CDCA2: variants seen among roughly 807,000 people sequenced by gnomAD.
CDCA2 encodes cell division cycle-associated protein 2.
A neutral mutation model predicts 67.0 loss-of-function variants in CDCA2; 44 were observed. The ratio of observed to expected loss-of-function variants is 0.66; its 90% CI spans 0.52 to 0.84. The LOEUF is 0.84. CDCA2 is among the 40% of genes least tolerant of loss of function. The probability of loss-of-function intolerance (pLI) is 0.00; values close to 1 mark genes in which losing one functional copy is unlikely to be tolerated. For synonymous variants in CDCA2, 447 were observed against 418.7 expected (o/e 1.07, Z -0.82); for missense variants, 1,253 against 1,203.2 (o/e 1.04, Z -0.61).
intron 3 of CDCA2, 87 bp downstream of exon 3, chr8:25,460,641 G>T (rs183074562): frequency 1.4e-6 from 2 of 1,393,178 alleles, no homozygotes; most frequent in Non-Finnish European, 9.7e-7. Context: ...TATACGTACT[G>T]TCATATTTTA....
rs1337258871 is a variant in CDCA2 at position 25,462,150 on chromosome 8, G to A, written c.329G>A (p.Arg110Gln). 5.6e-6 allele frequency: 9 copies of A among 1,614,000 alleles called. No homozygotes were observed. The highest frequency in any genetic ancestry group is 6.8e-6 in the Non-Finnish European group (8 of 1,180,018). The change falls in exon 4 of 15, where the codon CGG (arginine) becomes CAG (glutamine). Residue 110 changes from arginine (R) to glutamine (Q), a missense_variant. Transcript: ENST00000330560. ...ETNHLIRFIA[R>Q]QQNIKNARKS... The stretch of plus-strand genomic sequence containing the variant: ...AACCATCTGATTCGTTTCATTGCTC[G>A]GCAGCAAAATATAAAGAATGCTAGG...
At chr8:25,473,885 A>C (rs1803251215) in intron 7 of CDCA2, among the ~76,000 whole-genome samples, 1 of 152,192 alleles carries the variant, frequency 6.6e-6, no homozygotes, top group South Asian at 2.1e-4. Flanking sequence ...CTTCTTTGAG[A>C]CTATAATCCT....
intron 4 of CDCA2, among the ~76,000 whole-genome samples, chr8:25,465,965 G>A (rs963206953): frequency 2.0e-5 from 3 of 152,122 alleles, no homozygotes; most frequent in Non-Finnish European, 4.4e-5. Context: ...TCTTAGGCTG[G>A]CCTCTCAACA....
In CDCA2 at chr8:25,460,299, T is replaced by C; in HGVS notation, c.60T>C (p.Ala20=). The C allele has an allele frequency of 1.2e-6, 2 of 1,614,190 alleles. No individual in the cohort carries two copies. Among genetic ancestry groups the C allele is most frequent in the Non-Finnish European group, 1.7e-6 (2 of 1,180,016 alleles). Residue 20 remains alanine (A), a splice_region_variant and synonymous_variant, in exon 2 of 15, where the codon GCT becomes GCC. Coordinates refer to ENST00000330560, the MANE Select transcript of CDCA2 (RefSeq NM_152562.4). ...CCAAGGAGTCTGCAATGAATAATGC[T>C]GGTATGTGATGATCTGCCTCCTTGT... ...PETKESAMNN[A]GNASFILGTG...
At chr8:25,497,189 G>T (rs1407512009) in intron 13 of CDCA2, among the ~76,000 whole-genome samples, 1 of 151,982 alleles carries the variant, frequency 6.6e-6, no homozygotes, top group Non-Finnish European at 1.5e-5. Flanking sequence ...AAACATTACG[G>T]GGGTTCCTCA....
At chr8:25,471,211 A>C (rs576381211) in intron 7 of CDCA2, among the ~76,000 whole-genome samples, 1 of 152,240 alleles carries the variant, frequency 6.6e-6, no homozygotes, top group Admixed American at 6.5e-5. Context: ...CTTCTTTAGC[A>C]TTTTTGTAGT....
intron 7 of CDCA2, among the ~76,000 whole-genome samples, chr8:25,475,187 C>T (rs1198240729): frequency 6.6e-6 from 1 of 152,162 alleles, no homozygotes; most frequent in East Asian, 1.9e-4. Context: ...TGGAGCATTT[C>T]TGGATTTTCA....
intron 14 of CDCA2, among the ~76,000 whole-genome samples, chr8:25,505,149 T>C (rs1804627810): frequency 6.6e-6 from 1 of 152,176 alleles, no homozygotes; most frequent in Admixed American, 6.5e-5. Context: ...CTATATCTTC[T>C]TTACCTTCCT....
chr8:25,500,511 T>A (rs934398493), intron 13 of CDCA2, among the ~76,000 whole-genome samples: 1 of 151,958 alleles, frequency 6.6e-6, no homozygotes, highest in African/African-American at 2.4e-5. Context: ...CAATTAAAAC[T>A]TTTTTTTCTA....
chr8:25,468,532 GGTGTGTGTGTGTGT>G (rs3841182), intron 6 of CDCA2, 119 bp downstream of exon 6: 5 of 424,300 alleles, frequency 1.2e-5, no homozygotes, highest in East Asian at 1.1e-4. Flanking sequence ...TGGTTCCTGG[GGTGTGTGTGTGTGT>G]GTGTGTGTGT....
chr8:25,466,234 G>A lies in CDCA2; in HGVS notation c.447G>A (p.Gln149=). Residue 149 remains glutamine (Q), a synonymous_variant, in exon 5 of 15, where the codon CAG becomes CAA. Coordinates refer to ENST00000330560, the MANE Select transcript of CDCA2 (RefSeq NM_152562.4). ...TAAGAGAACGAATATCAGCCTTCCAGTCAGCTTTTCACTCCATAAAGGAAA... is the reference window on the plus strand; with the variant it reads ...TAAGAGAACGAATATCAGCCTTCCAATCAGCTTTTCACTCCATAAAGGAAA... ...NTLRERISAF[Q]SAFHSIKENE... 6.2e-7 allele frequency: 1 copy of A among 1,611,654 alleles called. No homozygotes were observed. Among genetic ancestry groups the A allele is most frequent in the Non-Finnish European group, 8.5e-7 (1 of 1,179,466 alleles).
At chr8:25,496,875 ATG>A (rs1428822189) in intron 13 of CDCA2, among the ~76,000 whole-genome samples, 2 of 152,220 alleles carry the variant, frequency 1.3e-5, no homozygotes, top group Non-Finnish European at 2.9e-5. Context: ...TCTAAACAAA[ATG>A]TTTTATTTGG....
chr8:25,462,137 C>G lies in CDCA2; in HGVS notation c.316C>G (p.Arg106Gly). Residue 106 changes from arginine to glycine, a missense_variant, in exon 4 of 15, where the codon CGT becomes GGT. By Grantham distance (125) the Arg-to-Gly change is moderately radical. Transcript: ENST00000330560. ...RGSPETNHLIRFIARQQNIKN... is the reference protein window; with the variant it reads ...RGSPETNHLIGFIARQQNIKN... ...CTCTCCTGAAACAAACCATCTGATT[C>G]GTTTCATTGCTCGGCAGCAAAATAT... is the stretch of plus-strand genomic sequence containing the variant. 2.5e-6 allele frequency: 4 copies of G among 1,613,974 alleles called. No individual in the cohort carries two copies. The highest frequency in any genetic ancestry group is 3.4e-6 in the Non-Finnish European group (4 of 1,179,824).
At chr8:25,479,609 A>G (rs893834607) in intron 7 of CDCA2, 1 of 382,302 alleles carries the variant, frequency 2.6e-6, no homozygotes, top group Non-Finnish European at 4.9e-6. Flanking sequence ...AGGCACGCTA[A>G]TAGCTTATAG....
chr8:25,464,773 G>C (rs1330519420), intron 4 of CDCA2, among the ~76,000 whole-genome samples: 2 of 152,182 alleles, frequency 1.3e-5, no homozygotes, highest in Non-Finnish European at 2.9e-5. Context: ...CGTTCTGTTA[G>C]ATGAATTGAC....
At chr8:25,464,837 A>G (rs1472027904) in intron 4 of CDCA2, among the ~76,000 whole-genome samples, 1 of 152,204 alleles carries the variant, frequency 6.6e-6, no homozygotes, top group East Asian at 1.9e-4. Flanking sequence ...TTGTGTCATC[A>G]AGGATATTTC....
Position 25,487,236 on chromosome 8 carries a change from T to C in CDCA2, c.1445-10T>C. On this transcript the variant is annotated splice_polypyrimidine_tract_variant and intron_variant, in intron 11 of 14. Transcript: ENST00000330560. ...TCCTACCCTGATTTAGCTTTTGTCTTGTTTATCAGGCACTGATACCTTTAG... is the reference window on the plus strand; with the variant it reads ...TCCTACCCTGATTTAGCTTTTGTCTCGTTTATCAGGCACTGATACCTTTAG... 2 of 1,592,080 alleles carry C rather than the reference T, an allele frequency of 1.3e-6. No homozygotes were observed. Among genetic ancestry groups the C allele is most frequent in the Non-Finnish European group, 1.7e-6 (2 of 1,161,058 alleles).
In CDCA2 at chr8:25,468,293, C is replaced by G; in HGVS notation, c.615C>G (p.Ser205=). 6.2e-7 allele frequency: 1 copy of G among 1,613,682 alleles called. No homozygotes were observed. Among genetic ancestry groups the G allele is most frequent in the Non-Finnish European group, 8.5e-7 (1 of 1,179,678 alleles). The change falls in exon 6 of 15, where the codon TCC becomes TCG. Residue 205 remains serine (S), a synonymous_variant. Transcript: ENST00000330560. ...TGTCCTCCAAACGTCGGAGAATATC[C>G]TATCAGAGAGACTCTGATGAAAATC... ...AVLSSKRRRI[S]YQRDSDENLT... is the part of the protein sequence containing the mutation.
At chr8:25,465,115 A>G (rs1375802371) in intron 4 of CDCA2, among the ~76,000 whole-genome samples, 1 of 152,172 alleles carries the variant, frequency 6.6e-6, no homozygotes, top group Non-Finnish European at 1.5e-5. Context: ...CTGGGATTAC[A>G]GGCATGCACC....
Sources: allele counts gnomAD v4.1 joint callset (sites outside exome capture counted in the v4.1 genomes callset), GRCh38; gene constraint gnomAD v4.1.1; transcripts MANE v1.5; gene names NCBI Gene and HGNC (gene_info 2026-07-23, HGNC 2026-07-21).